Variants in DLGAP2 observed in about 807,000 individuals in gnomAD.
DLGAP2 encodes disks large-associated protein 2.
DLGAP2 carries 26 observed loss-of-function variants against 100.3 expected under a neutral mutation model. The ratio of observed to expected loss-of-function variants is 0.26; its 90% CI spans 0.19 to 0.36. The LOEUF (loss-of-function observed/expected upper bound fraction) is 0.36, where lower values mean the gene tolerates loss of function less well. DLGAP2 is among the 10% of genes least tolerant of loss of function. DLGAP2 has a pLI of 1.00. For missense variants in DLGAP2, 1,858 were observed against 1,453.2 expected (o/e 1.28, Z -4.53); for synonymous variants, 886 against 630.1 (o/e 1.41, Z -6.08).
chr8:1,048,825 C>T (rs1045008143), intron 2 of DLGAP2, among the ~76,000 whole-genome samples: 14 of 151,898 alleles, frequency 9.2e-5, no homozygotes, highest in African/African-American at 3.4e-4. Context: ...AATGAGTAGC[C>T]GGGATTGCAT....
At chr8:782,498 C>G (rs962918082) in intron 1 of DLGAP2, among the ~76,000 whole-genome samples, 6 of 152,054 alleles carry the variant, frequency 3.9e-5, no homozygotes, top group Non-Finnish European at 8.8e-5. Context: ...TTTAGCCATC[C>G]TCAATTATTT....
At chr8:1,561,312 T>G (rs1284673300) in intron 5 of DLGAP2, among the ~76,000 whole-genome samples, 2 of 152,038 alleles carry the variant, frequency 1.3e-5, no homozygotes, top group East Asian at 3.9e-4. Context: ...ATACAATACC[T>G]CCAATTCCCT....
At chr8:1,443,169 A>G (rs1346006044) in intron 3 of DLGAP2, among the ~76,000 whole-genome samples, 1 of 152,256 alleles carries the variant, frequency 6.6e-6, no homozygotes, top group Non-Finnish European at 1.5e-5. Context: ...AGAAAAACTT[A>G]GAAAACATAG....
chr8:1,234,487 C>G (rs930830880), intron 2 of DLGAP2, among the ~76,000 whole-genome samples: 3 of 152,108 alleles, frequency 2.0e-5, no homozygotes, highest in African/African-American at 7.2e-5. Flanking sequence ...GGGCCTGTCT[C>G]CCCAGGATTA....
chr8:1,337,646 G>C (rs1369693202), intron 3 of DLGAP2, among the ~76,000 whole-genome samples: 1 of 146,870 alleles, frequency 6.8e-6, no homozygotes, highest in African/African-American at 2.5e-5. Flanking sequence ...TGGTTAGGCA[G>C]TGGTTTCTTA....
intron 3 of DLGAP2, among the ~76,000 whole-genome samples, chr8:1,452,464 G>T (rs1327191403): frequency 6.6e-6 from 1 of 152,246 alleles, no homozygotes; most frequent in African/African-American, 2.4e-5. Context: ...AGCACCAGTG[G>T]ACATGGAATA....
intron 3 of DLGAP2, chr8:1,300,071 T>C (rs1800294943): frequency 6.6e-6 from 1 of 152,114 alleles, no homozygotes; most frequent in Non-Finnish European, 1.5e-5. Flanking sequence ...CCCCCTCTCA[T>C]TACCTCAGTT....
At chr8:1,504,253 A>AT (rs1283473286) in intron 4 of DLGAP2, among the ~76,000 whole-genome samples, 1 of 151,522 alleles carries the variant, frequency 6.6e-6, no homozygotes, top group Non-Finnish European at 1.5e-5. Flanking sequence ...CTTTAAAAAT[A>AT]TTTTTTCTAG....
chr8:785,185 T>G (rs1483849124), intron 1 of DLGAP2, among the ~76,000 whole-genome samples: 8 of 132,270 alleles, frequency 6.0e-5, no homozygotes, highest in Admixed American at 5.2e-4. Context: ...CCACTGCATT[T>G]TGGCCTGGCC....
intron 4 of DLGAP2, among the ~76,000 whole-genome samples, chr8:1,535,021 C>G (rs1411819743): frequency 6.6e-6 from 1 of 152,232 alleles, no homozygotes; most frequent in African/African-American, 2.4e-5. Flanking sequence ...CCCAAGCGTT[C>G]ATTTCATTAA....
At chr8:1,580,740 A>G (rs1803203436) in intron 6 of DLGAP2, among the ~76,000 whole-genome samples, 1 of 152,016 alleles carries the variant, frequency 6.6e-6, no homozygotes, top group Non-Finnish European at 1.5e-5. Flanking sequence ...ACACATCTAC[A>G]TACCACAGTC....
intron 6 of DLGAP2, among the ~76,000 whole-genome samples, chr8:1,587,994 C>G (rs961152072): frequency 2.0e-5 from 3 of 152,120 alleles, no homozygotes; most frequent in Non-Finnish European, 4.4e-5. Context: ...GCATTCCTGC[C>G]CCATAACCAA....
At chr8:1,088,210 G>T (rs891801033) in intron 2 of DLGAP2, among the ~76,000 whole-genome samples, 8 of 152,196 alleles carry the variant, frequency 5.3e-5, no homozygotes, top group African/African-American at 1.9e-4. Flanking sequence ...ACTAGTCCTG[G>T]TAGCCAATAT....
chr8:1,415,271 T>C (rs1796849805), intron 3 of DLGAP2, among the ~76,000 whole-genome samples: 2 of 152,240 alleles, frequency 1.3e-5, no homozygotes, highest in African/African-American at 4.8e-5. Flanking sequence ...TATTTTCTTA[T>C]GACTTTCTCT....
intron 6 of DLGAP2, among the ~76,000 whole-genome samples, chr8:1,617,574 G>A (rs765103748): frequency 4.6e-5 from 7 of 152,054 alleles, no homozygotes; most frequent in Non-Finnish European, 8.8e-5. Context: ...TTTTTTGCTT[G>A]CAAATTTGTT....
At chr8:823,804 C>T (rs1395623030) in intron 1 of DLGAP2, among the ~76,000 whole-genome samples, 1 of 152,170 alleles carries the variant, frequency 6.6e-6, no homozygotes, top group Non-Finnish European at 1.5e-5. Flanking sequence ...CATTCGGGAG[C>T]CCGGGGCAGC....
At chr8:1,211,596 C>G (rs1798105036) in intron 2 of DLGAP2, among the ~76,000 whole-genome samples, 1 of 152,212 alleles carries the variant, frequency 6.6e-6, no homozygotes, top group Non-Finnish European at 1.5e-5. Context: ...TGATTTGTGT[C>G]CAGGCACAGT....
At position 1,030,389 on chromosome 8, in the gene DLGAP2, A is replaced by C. The variant is rs147301638; in HGVS notation, c.73+122423A>C. Among the ~76,000 whole-genome samples the C allele has an allele frequency of 4.0e-3, 615 of 152,296 alleles. 4 individuals carry two copies. The highest frequency in any genetic ancestry group is 0.014 in the African/African-American group (586 of 41,554). On this transcript the variant is annotated intron_variant, in intron 2 of 14. Transcript: ENST00000637795. ...AAAGTTAGATTTCTTCATCAAACAT[A>C]CCAAGGCTTTGAAGCTCCAAGGCCA...
intron 2 of DLGAP2, among the ~76,000 whole-genome samples, chr8:1,227,153 G>GATAGATAGATATATATAT: frequency 1.1e-5 from 1 of 89,710 alleles, no homozygotes; most frequent in East Asian, 4.4e-4. Context: ...GAAACTGTGA[G>GATAGATAGATATATATAT]ATATATATAT....
Sources: gnomAD v4.1 joint callset for allele counts (sites outside exome capture counted in the v4.1 genomes callset) on GRCh38, gnomAD v4.1.1 for gene constraint, MANE v1.5 for transcripts, NCBI Gene and HGNC (gene_info 2026-07-23, HGNC 2026-07-21) for gene names.